Variants in NUP54 observed in about 807,000 individuals in gnomAD.
NUP54 encodes the protein nucleoporin 54, also known as nucleoporin p54.
In NUP54, 27 loss-of-function variants were observed where a neutral mutation model predicts 66.4. That is an observed-to-expected ratio of 0.41 (90% CI 0.30 to 0.56). NUP54 has a LOEUF of 0.56. Among genes scored for constraint, NUP54 ranks in the 20% least tolerant of loss-of-function variants. The probability of loss-of-function intolerance (pLI) is 0.34; values close to 1 mark genes in which losing one functional copy is unlikely to be tolerated. For missense variants in NUP54, 486 were observed against 596.3 expected (o/e 0.82, Z 1.93); for synonymous variants, 206 against 210.7 (o/e 0.98, Z 0.19).
intron 5 of NUP54, 136 bp from the exon 6 acceptor site, chr4:76,132,855 G>C: frequency 1.6e-6 from 1 of 608,060 alleles, no homozygotes; most frequent in Non-Finnish European, 2.7e-6. Context: ...CAATTAAAAT[G>C]TTTCCTTTTT....
intron 3 of NUP54, among the ~76,000 whole-genome samples, chr4:76,136,875 A>G (rs1405101224): frequency 6.6e-6 from 1 of 152,350 alleles, no homozygotes; most frequent in East Asian, 1.9e-4. Context: ...TAATCTCCAG[A>G]AACTATAAAA....
chr4:76,134,571 T>C (rs1305285168), intron 4 of NUP54, among the ~76,000 whole-genome samples: 1 of 151,202 alleles, frequency 6.6e-6, no homozygotes, highest in African/African-American at 2.4e-5. Context: ...CATTAACCTA[T>C]AGAGTAAGAT....
intron 3 of NUP54, among the ~76,000 whole-genome samples, chr4:76,138,817 A>T (rs73826331): frequency 0.012 from 1,791 of 152,292 alleles, 32 homozygotes; most frequent in African/African-American, 0.039. Flanking sequence ...AAAAGCAATA[A>T]GGAGGACTAA....
chr4:76,137,098 C>T (rs59850201), intron 3 of NUP54, among the ~76,000 whole-genome samples: 19,998 of 152,038 alleles, frequency 0.13, 1,530 homozygotes, highest in East Asian at 0.35. Flanking sequence ...CAAGCAATAC[C>T]CCTGCTTCAT....
chr4:76,120,421 C>T (rs993930779), intron 9 of NUP54, among the ~76,000 whole-genome samples: 2 of 117,800 alleles, frequency 1.7e-5, no homozygotes, highest in East Asian at 2.3e-4. Flanking sequence ...AAAGGGATCT[C>T]TTTTTTTTTT....
At chr4:76,129,965 A>T (rs1349335899) in intron 8 of NUP54, among the ~76,000 whole-genome samples, 3 of 112,708 alleles carry the variant, frequency 2.7e-5, no homozygotes, top group Non-Finnish European at 5.5e-5. Flanking sequence ...TAATTATGAA[A>T]GTTTTTTTTT....
chr4:76,131,861 A>G (rs549869790), intron 6 of NUP54, among the ~76,000 whole-genome samples: 37 of 152,226 alleles, frequency 2.4e-4, no homozygotes, highest in East Asian at 7.7e-4. Flanking sequence ...ACAGTTTATA[A>G]TAGTAAAAAG....
intron 3 of NUP54, among the ~76,000 whole-genome samples, chr4:76,143,518 C>G (rs550285340): frequency 6.6e-6 from 1 of 152,084 alleles, no homozygotes; most frequent in Non-Finnish European, 1.5e-5. Flanking sequence ...GCAGAAGTAT[C>G]GCTTGAACCT....
chr4:76,136,856 C>T (rs1731061510), intron 3 of NUP54, among the ~76,000 whole-genome samples: 1 of 152,202 alleles, frequency 6.6e-6, no homozygotes, highest in Non-Finnish European at 1.5e-5. Flanking sequence ...AAACCCACTT[C>T]TGGACTTCTA....
At chr4:76,135,019 G>T (rs932519463) in intron 4 of NUP54, among the ~76,000 whole-genome samples, 2 of 152,014 alleles carry the variant, frequency 1.3e-5, no homozygotes, top group African/African-American at 4.8e-5. Context: ...GGTTTATTGG[G>T]ATGTAACCCA....
chr4:76,145,403 A>C (rs1401916847), intron 1 of NUP54, among the ~76,000 whole-genome samples: 1 of 152,164 alleles, frequency 6.6e-6, no homozygotes, highest in African/African-American at 2.4e-5. Flanking sequence ...TGTTTTGAAA[A>C]CAGCATGCCA....
chr4:76,131,504 T>TA (rs1281353495), intron 6 of NUP54, among the ~76,000 whole-genome samples: 2 of 151,972 alleles, frequency 1.3e-5, no homozygotes, highest in Non-Finnish European at 2.9e-5. Flanking sequence ...GATAATAGAT[T>TA]AACCTCCAGA....
chr4:76,148,302 A>G lies in NUP54; in HGVS notation c.67+6T>C, dbSNP rs1395323045. On this transcript the variant is annotated splice_donor_region_variant and intron_variant, in intron 1 of 11. Coordinates refer to ENST00000264883, the MANE Select transcript of NUP54 (RefSeq NM_017426.4). ...TCCCGGGTGAAGGTCTAGGGGGATC[A>G]CTCACCCGCGGGGGCCGCGGTGGCT... 4.0e-6 allele frequency: 6 copies of G among 1,488,404 alleles called. No homozygotes were observed. The highest frequency in any genetic ancestry group is 5.4e-6 in the Non-Finnish European group (6 of 1,116,288). 92.2% of individuals were successfully genotyped at this position (1,488,404 alleles called of 1,614,324 possible). A position where few individuals can be genotyped will look rare whatever the true frequency, so the allele number is the denominator to read the frequency against.
At chr4:76,139,425 ATAAAGT>A (rs1731170683) in intron 3 of NUP54, among the ~76,000 whole-genome samples, 1 of 146,108 alleles carries the variant, frequency 6.8e-6, no homozygotes, top group African/African-American at 2.5e-5. Flanking sequence ...ATTATGAGAG[ATAAAGT>A]TAAATAATAT....
intron 1 of NUP54, among the ~76,000 whole-genome samples, chr4:76,145,267 A>C (rs756386136): frequency 1.1e-4 from 17 of 150,362 alleles, no homozygotes; most frequent in Admixed American, 2.7e-4. Context: ...GCAGTGAGCC[A>C]AGATCTTGCC....
intron 3 of NUP54, among the ~76,000 whole-genome samples, chr4:76,136,807 G>T (rs777719976): frequency 1.1e-4 from 17 of 152,160 alleles, no homozygotes; most frequent in Middle Eastern, 3.2e-3. Context: ...GCCTCTAGAA[G>T]TAACGCAGTA....
In NUP54 at chr4:76,115,081, G is replaced by A. The variant is rs919300909; in HGVS notation, c.*285C>T. 4.3e-6 allele frequency: 1 copy of A among 234,082 alleles called. No individual in the cohort carries two copies. The highest frequency in any genetic ancestry group is 9.8e-5 in the East Asian group (1 of 10,218). 14.5% of individuals were successfully genotyped at this position (234,082 alleles called of 1,614,324 possible). On this transcript the variant is annotated 3_prime_UTR_variant, in exon 12 of 12. Transcript: ENST00000264883. ...AAACACAGATTATGTTTAAGAAAAT[G>A]CTGTTGTAAAAATGTACAATAGTAC...
At chr4:76,121,739 C>T (rs932852304) in intron 9 of NUP54, among the ~76,000 whole-genome samples, 2 of 152,206 alleles carry the variant, frequency 1.3e-5, no homozygotes, top group Non-Finnish European at 2.9e-5. Context: ...ATACTTTCCT[C>T]AGAAATATAT....
intron 9 of NUP54, among the ~76,000 whole-genome samples, chr4:76,122,578 A>G (rs560712025): frequency 2.3e-4 from 35 of 152,210 alleles, no homozygotes; most frequent in Non-Finnish European, 4.4e-4. Context: ...AGCTGTTTAT[A>G]ATTTCTTTTT....
Sources: allele counts gnomAD v4.1 joint callset (sites outside exome capture counted in the v4.1 genomes callset), GRCh38; gene constraint gnomAD v4.1.1; transcripts MANE v1.5; gene names NCBI Gene and HGNC (gene_info 2026-07-23, HGNC 2026-07-21).